CCSER1: variants seen among roughly 807,000 people sequenced by gnomAD.
CCSER1 encodes the protein serine-rich coiled-coil domain-containing protein 1.
Under a neutral mutation model 82.0 loss-of-function variants are expected in CCSER1, and 41 were observed. The ratio of observed to expected loss-of-function variants is 0.50; its 90% CI spans 0.39 to 0.65. The LOEUF (loss-of-function observed/expected upper bound fraction) is 0.65, where lower values mean the gene tolerates loss of function less well. Among genes scored for constraint, CCSER1 ranks in the 30% least tolerant of loss-of-function variants. CCSER1 has a pLI of 0.00. For missense variants in CCSER1, 1,119 were observed against 1,064.2 expected (o/e 1.05, Z -0.72); for synonymous variants, 414 against 383.9 (o/e 1.08, Z -0.92).
chr4:91,246,709 A>G (rs1451700747), intron 10 of CCSER1, among the ~76,000 whole-genome samples: 3 of 152,144 alleles, frequency 2.0e-5, no homozygotes, highest in Non-Finnish European at 4.4e-5. Context: ...GCATTCCATG[A>G]TGCGGTTATT....
At chr4:91,284,073 A>G (rs1416164497) in intron 10 of CCSER1, among the ~76,000 whole-genome samples, 2 of 152,122 alleles carry the variant, frequency 1.3e-5, no homozygotes, top group Non-Finnish European at 2.9e-5. Context: ...AATGTGGCCA[A>G]CTGCATTGAG....
At chr4:90,535,332 C>A (rs891983276) in intron 5 of CCSER1, among the ~76,000 whole-genome samples, 56 of 152,026 alleles carry the variant, frequency 3.7e-4, no homozygotes, top group African/African-American at 1.4e-3. Flanking sequence ...CGCCTGTAAT[C>A]CCAGCTCTTG....
chr4:90,391,538 A>G (rs913233783), intron 3 of CCSER1, among the ~76,000 whole-genome samples: 7 of 114,694 alleles, frequency 6.1e-5, no homozygotes, highest in African/African-American at 2.3e-4. Flanking sequence ...TATACTGTGT[A>G]CTCATAAAAT....
chr4:90,648,436 T>C (rs1057462718), intron 6 of CCSER1, among the ~76,000 whole-genome samples: 7 of 152,258 alleles, frequency 4.6e-5, no homozygotes, highest in Non-Finnish European at 8.8e-5. Context: ...TAGGGCATAC[T>C]ATAAGAGAGA....
intron 10 of CCSER1, among the ~76,000 whole-genome samples, chr4:91,160,901 G>A (rs956021030): frequency 2.6e-5 from 4 of 152,066 alleles, no homozygotes; most frequent in East Asian, 1.9e-4. Flanking sequence ...GAGCCCTTTA[G>A]TTTAATTAAA....
At chr4:90,764,353 T>C (rs967378219) in intron 7 of CCSER1, among the ~76,000 whole-genome samples, 1 of 152,208 alleles carries the variant, frequency 6.6e-6, no homozygotes, top group African/African-American at 2.4e-5. Flanking sequence ...CTATAATCCA[T>C]GAAGCCATTC....
intron 10 of CCSER1, among the ~76,000 whole-genome samples, chr4:91,192,703 A>G (rs2149051083): frequency 6.6e-6 from 1 of 152,164 alleles, no homozygotes; most frequent in South Asian, 2.1e-4. Context: ...GTCTTCTTTT[A>G]ATCCATTTAT....
Position 90,564,726 on chromosome 4 carries a change from C to T in CCSER1, c.1725-63299C>T, listed in dbSNP as rs147336169. 7.4e-4 allele frequency among the ~76,000 whole-genome samples: 111 copies of T among 149,552 alleles called. 1 individual carries two copies. The East Asian group carries it at 0.018, about 24-fold the overall frequency. ...TATGGTGTGAGATAAGAGTCTAATTCATTCTTCTTCATGTGGATACCCAAT... is the reference window on the plus strand; with the variant it reads ...TATGGTGTGAGATAAGAGTCTAATTTATTCTTCTTCATGTGGATACCCAAT... On this transcript the variant is annotated intron_variant, in intron 5 of 10. Coordinates refer to ENST00000509176, the MANE Select transcript of CCSER1 (RefSeq NM_001145065.2).
At position 90,704,167 on chromosome 4, in the gene CCSER1, TG is replaced by T. The variant is rs550241152; in HGVS notation, c.1933-19745del. Among the ~76,000 whole-genome samples the T allele has an allele frequency of 3.3e-5, 5 of 152,336 alleles. No individual in the cohort carries two copies. In the South Asian group the frequency reaches 1.0e-3, roughly 32 times the overall value. The stretch of plus-strand genomic sequence containing the variant: ...TTCAGGAGCTCTTTTAGGGCAGGCC[TG>T]GTGATGACAAAATCTCTCAGCATTT... On this transcript the variant is annotated intron_variant, in intron 6 of 10. Transcript: ENST00000509176.
intron 9 of CCSER1, among the ~76,000 whole-genome samples, chr4:91,029,594 G>A (rs1052489441): frequency 2.6e-5 from 4 of 151,970 alleles, no homozygotes; most frequent in African/African-American, 7.2e-5. Context: ...GGGATTACAT[G>A]ACCTGTTTTT....
At chr4:91,368,623 T>A (rs1264866658) in intron 10 of CCSER1, among the ~76,000 whole-genome samples, 1 of 152,164 alleles carries the variant, frequency 6.6e-6, no homozygotes, top group Non-Finnish European at 1.5e-5. Context: ...TTATTTTAGC[T>A]CCTCTGTTGT....
At chr4:91,149,832 G>A (rs550122306) in intron 10 of CCSER1, among the ~76,000 whole-genome samples, 26 of 152,114 alleles carry the variant, frequency 1.7e-4, no homozygotes, top group East Asian at 5.8e-4. Context: ...TGTTCCATTG[G>A]TCTATATCTC....
At chr4:90,415,057 G>A (rs926884603) in intron 4 of CCSER1, among the ~76,000 whole-genome samples, 2 of 152,192 alleles carry the variant, frequency 1.3e-5, no homozygotes, top group Non-Finnish European at 2.9e-5. Context: ...CTAGTGTTAT[G>A]ACGGTGAATT....
At chr4:91,188,278 A>G (rs1158429102) in intron 10 of CCSER1, among the ~76,000 whole-genome samples, 1 of 152,176 alleles carries the variant, frequency 6.6e-6, no homozygotes, top group Non-Finnish European at 1.5e-5. Flanking sequence ...AGTTTTCAGG[A>G]AACATTGTCT....
chr4:90,809,066 CCAA>C (rs1221663613), intron 7 of CCSER1, among the ~76,000 whole-genome samples: 2 of 151,832 alleles, frequency 1.3e-5, no homozygotes, highest in African/African-American at 4.8e-5. Flanking sequence ...GTCCGTAATC[CCAA>C]CATTTTGGGA....
chr4:91,497,209 A>C (rs1395675245), intron 10 of CCSER1, among the ~76,000 whole-genome samples: 1 of 151,626 alleles, frequency 6.6e-6, no homozygotes, highest in Admixed American at 6.6e-5. Flanking sequence ...AATTATGATT[A>C]AAATAAGAAT....
intron 9 of CCSER1, among the ~76,000 whole-genome samples, chr4:91,074,298 G>C (rs772561638): frequency 6.6e-6 from 1 of 152,140 alleles, no homozygotes; most frequent in African/African-American, 2.4e-5. Flanking sequence ...TTGGTACATA[G>C]AGAACATGCA....
At position 90,400,126 on chromosome 4, in the gene CCSER1, T is replaced by C. The variant is rs778296958; in HGVS notation, c.1600T>C (p.Ser534Pro). 1.3e-5 allele frequency: 20 copies of C among 1,558,670 alleles called. No homozygotes were observed. The highest frequency in any genetic ancestry group is 1.7e-5 in the Admixed American group (1 of 59,588). ...EFLEEQSLHP[S>P]VCREDSYHSV... ...TTTAGAGGAACAGAGTCTTCACCCT[T>C]CTGGTAAGTGTTAAAGAGATGAATA... Residue 534 changes from serine (S) to proline (P), a missense_variant, in exon 4 of 11, where the codon TCT becomes CCT. Transcript: ENST00000509176.
At chr4:91,592,605 G>A (rs956754817) in intron 10 of CCSER1, among the ~76,000 whole-genome samples, 13 of 152,152 alleles carry the variant, frequency 8.5e-5, no homozygotes, top group Middle Eastern at 3.4e-3. Flanking sequence ...CTGTAACCAA[G>A]AATAATTCTG....
Sources: gnomAD v4.1 joint callset for allele counts (sites outside exome capture counted in the v4.1 genomes callset) on GRCh38, gnomAD v4.1.1 for gene constraint, MANE v1.5 for transcripts, NCBI Gene and HGNC (gene_info 2026-07-23, HGNC 2026-07-21) for gene names.